ZFAND1: variants seen among roughly 807,000 people sequenced by gnomAD.
ZFAND1 encodes AN1-type zinc finger protein 1.
In ZFAND1, 40 loss-of-function variants were observed where a neutral mutation model predicts 38.5. The observed-to-expected ratio is 1.04, with a 90% CI of 0.81 to 1.35. The LOEUF (loss-of-function observed/expected upper bound fraction) is 1.35, where lower values mean the gene tolerates loss of function less well. ZFAND1 is among the 40% of genes most tolerant of loss of function. The pLI, the probability that ZFAND1 is intolerant of heterozygous loss-of-function variation, is 0.00. For missense variants in ZFAND1, 346 were observed against 316.3 expected (o/e 1.09, Z -0.71); for synonymous variants, 117 against 103.6 (o/e 1.13, Z -0.78).
At position 81,702,301 on chromosome 8, in the gene ZFAND1, CTCTT is replaced by C. The variant is rs1456029819; in HGVS notation, c.*390_*393del. 1 of 153,912 alleles carries C rather than the reference CTCTT, an allele frequency of 6.5e-6. No individual in the cohort carries two copies. Among genetic ancestry groups the C allele is most frequent in the Non-Finnish European group, 1.4e-5 (1 of 69,418 alleles). 9.5% of individuals were successfully genotyped at this position (153,912 alleles called of 1,614,324 possible). ...AAGAGAAAACCGAAGTGTATTTCATCTCTTTCTCTCTCTGCTAAAACAATCACAA... is the reference window on the plus strand; with the variant it reads ...AAGAGAAAACCGAAGTGTATTTCATCTCTCTCTCTGCTAAAACAATCACAA... On this transcript the variant is annotated 3_prime_UTR_variant, in exon 8 of 8. Transcript: ENST00000220669.
intron 3 of ZFAND1, among the ~76,000 whole-genome samples, chr8:81,715,861 A>T (rs370264011): frequency 2.0e-5 from 3 of 152,324 alleles, no homozygotes; most frequent in Non-Finnish European, 1.5e-5. Flanking sequence ...ATATTTAATT[A>T]ACGAGACCTA....
intron 6 of ZFAND1, among the ~76,000 whole-genome samples, chr8:81,705,310 C>T (rs758547632): frequency 2.6e-5 from 4 of 151,836 alleles, no homozygotes; most frequent in Non-Finnish European, 4.4e-5. Flanking sequence ...ACTGAAATTT[C>T]AAAACAAACT....
At chr8:81,709,597 G>A (rs143922324) in intron 6 of ZFAND1, among the ~76,000 whole-genome samples, 24 of 151,810 alleles carry the variant, frequency 1.6e-4, no homozygotes, top group South Asian at 6.2e-4. Flanking sequence ...ACACATATAC[G>A]TATATACATG....
At position 81,702,206 on chromosome 8, in the gene ZFAND1, C is replaced by CT. The variant is rs1451122607; in HGVS notation, c.*488dup. On this transcript the variant is annotated 3_prime_UTR_variant, in exon 8 of 8. Coordinates refer to ENST00000220669, the MANE Select transcript of ZFAND1 (RefSeq NM_024699.3). ...GATGTAGACAGACAGCAAGGCTATA[C>CT]TTTCTGGCTCCATGATGCTAGGCTT... is the stretch of plus-strand genomic sequence containing the variant. 2.6e-5 allele frequency: 4 copies of CT among 152,350 alleles called. No homozygotes were observed. Among genetic ancestry groups the CT allele is most frequent in the African/African-American group, 9.6e-5 (4 of 41,470 alleles). 9.4% of individuals were successfully genotyped at this position (152,350 alleles called of 1,614,324 possible). A position where few individuals can be genotyped will look rare whatever the true frequency, so the allele number is the denominator to read the frequency against.
intron 6 of ZFAND1, among the ~76,000 whole-genome samples, chr8:81,706,902 A>C (rs867355004): frequency 2.6e-5 from 4 of 152,298 alleles, no homozygotes; most frequent in Middle Eastern, 3.4e-3. Context: ...ACCGTAAAAT[A>C]AGTAGCAATG....
chr8:81,714,129 A>G, intron 5 of ZFAND1, 90 bp from the exon 6 acceptor site: 7 of 1,247,044 alleles, frequency 5.6e-6, no homozygotes, highest in Non-Finnish European at 7.6e-6. Flanking sequence ...GCTCAGAAAC[A>G]TATATAAATT....
intron 6 of ZFAND1, among the ~76,000 whole-genome samples, chr8:81,707,800 C>T (rs1290552145): frequency 6.6e-6 from 1 of 152,106 alleles, no homozygotes; most frequent in African/African-American, 2.4e-5. Flanking sequence ...TTCAACTTTT[C>T]ATGAAGGTGG....
intron 1 of ZFAND1, 92 bp downstream of exon 1, chr8:81,721,135 G>A (rs1585933106): frequency 6.8e-7 from 1 of 1,474,934 alleles, no homozygotes; most frequent in Non-Finnish European, 9.2e-7. Context: ...CAGCCTTGTG[G>A]CCTCCCTTCA....
chr8:81,706,224 T>G (rs1807974858), intron 6 of ZFAND1, among the ~76,000 whole-genome samples: 2 of 151,920 alleles, frequency 1.3e-5, no homozygotes, highest in Non-Finnish European at 2.9e-5. Flanking sequence ...TGAGAAAGTT[T>G]AATAGGCAAT....
chr8:81,714,220 A>G, intron 5 of ZFAND1, 181 bp from the exon 6 acceptor site: 1 of 577,006 alleles, frequency 1.7e-6, no homozygotes, highest in East Asian at 3.4e-5. Flanking sequence ...TATCATTGAG[A>G]TTGATCTAGG....
intron 1 of ZFAND1, among the ~76,000 whole-genome samples, chr8:81,718,477 T>C (rs974792186): frequency 4.6e-5 from 7 of 152,064 alleles, no homozygotes; most frequent in Non-Finnish European, 1.0e-4. Context: ...CTAGTGGTTT[T>C]CTTTTTCTTT....
Position 81,714,880 on chromosome 8 carries a change from T to C in ZFAND1, c.282A>G (p.Ser94=), listed in dbSNP as rs1808254794. The change falls in exon 5 of 8, where the codon TCA becomes TCG. Residue 94 remains serine (S), a synonymous_variant. Transcript: ENST00000220669. ...TTTCCAGTTTTTCACACTCATGATCTGACTGATGACGGTGTCTATGAGCAA... is the reference window on the plus strand; with the variant it reads ...TTTCCAGTTTTTCACACTCATGATCCGACTGATGACGGTGTCTATGAGCAA... The part of the protein sequence containing the change: ...KNFCLRHRHQ[S]DHECEKLEIP... 1.2e-6 allele frequency: 2 copies of C among 1,613,994 alleles called. No homozygotes were observed. Among genetic ancestry groups the C allele is most frequent in the Non-Finnish European group, 8.5e-7 (1 of 1,179,954 alleles).
intron 3 of ZFAND1, among the ~76,000 whole-genome samples, chr8:81,716,878 C>T (rs1300525786): frequency 3.9e-5 from 6 of 151,976 alleles, no homozygotes; most frequent in East Asian, 1.9e-4. Context: ...ACCCCGGAGG[C>T]GGAGGTTGCA....
In ZFAND1 at chr8:81,703,006, G is replaced by A. The variant is rs1271804809; in HGVS notation, c.599C>T (p.Ala200Val). The change falls in exon 7 of 8, where the codon GCC (alanine) becomes GTC (valine). Residue 200 changes from alanine to valine, a missense_variant. Physicochemically the swap from Ala to Val is moderately conservative, Grantham distance 64. Transcript: ENST00000220669. ...GKAIDFAASL[A>V]RLKNDNNKFT... ...TTTGTTATTGTCATTTTTAAGCCTGGCTAGAGAAGCGGCAAAGTCTATGGC... is the reference window on the plus strand; with the variant it reads ...TTTGTTATTGTCATTTTTAAGCCTGACTAGAGAAGCGGCAAAGTCTATGGC... 5 of 1,548,114 alleles carry A rather than the reference G, an allele frequency of 3.2e-6. No homozygotes were observed. Among genetic ancestry groups the A allele is most frequent in the Non-Finnish European group, 4.4e-6 (5 of 1,145,730 alleles).
chr8:81,707,224 G>A (rs1005025107), intron 6 of ZFAND1, among the ~76,000 whole-genome samples: 1 of 152,178 alleles, frequency 6.6e-6, no homozygotes, highest in Non-Finnish European at 1.5e-5. Context: ...GGAAGCTTAG[G>A]AGCAGGAAAG....
At chr8:81,708,859 G>A in intron 6 of ZFAND1, 1 of 1,164,300 alleles carries the variant, frequency 8.6e-7, no homozygotes, top group Non-Finnish European at 1.1e-6. Flanking sequence ...ATATATCTCA[G>A]AAGAGCTGCA....
At chr8:81,706,521 A>T (rs932398162) in intron 6 of ZFAND1, among the ~76,000 whole-genome samples, 4 of 151,980 alleles carry the variant, frequency 2.6e-5, no homozygotes, top group Non-Finnish European at 5.9e-5. Context: ...ATATAATACC[A>T]ACTAACTTCA....
Position 81,721,282 on chromosome 8 carries a change from C to G in ZFAND1, c.-1G>C, listed in dbSNP as rs758200690. On this transcript the variant is annotated 5_prime_UTR_variant, in exon 1 of 8. Coordinates refer to ENST00000220669, the MANE Select transcript of ZFAND1 (RefSeq NM_024699.3). Reference sequence around the variant, plus strand: ...GCTGCCCGATGTCCAACTCCGCCATCTCTCCGGCGCCGTAAGGGGCGGGGC... The same window carrying G: ...GCTGCCCGATGTCCAACTCCGCCATGTCTCCGGCGCCGTAAGGGGCGGGGC... 6 of 1,548,650 alleles carry G rather than the reference C, an allele frequency of 3.9e-6. No individual in the cohort carries two copies. The highest frequency in any genetic ancestry group is 5.2e-6 in the Non-Finnish European group (6 of 1,147,016).
rs769515522 is a variant in ZFAND1, at chr8:81,721,234, C to G, written c.48G>C (p.Arg16=). ...TGGAAGCTCCCGGATCACCTCGCTG[C>G]CGGCAATGCTCCACCTGGCAGTGCT... The part of the protein sequence containing the change: ...IGQHCQVEHC[R]QRDFLPFVCD... Residue 16 remains arginine, a synonymous_variant, in exon 1 of 8, where the codon CGG becomes CGC. Coordinates refer to ENST00000220669, the MANE Select transcript of ZFAND1 (RefSeq NM_024699.3). 3 of 1,548,690 alleles carry G rather than the reference C, an allele frequency of 1.9e-6. No individual in the cohort carries two copies. In the South Asian group the frequency reaches 3.6e-5, roughly 18 times the overall value.
Sources: allele counts gnomAD v4.1 joint callset (sites outside exome capture counted in the v4.1 genomes callset), GRCh38; gene constraint gnomAD v4.1.1; transcripts MANE v1.5; gene names NCBI Gene and HGNC (gene_info 2026-07-23, HGNC 2026-07-21).